Variants in RTN4 observed in about 807,000 individuals in gnomAD.
RTN4 encodes reticulon-4.
Under a neutral mutation model 90.4 loss-of-function variants are expected in RTN4, and 32 were observed. That is an observed-to-expected ratio of 0.35 (90% CI 0.27 to 0.48). The LOEUF is 0.48. Among genes scored for constraint, RTN4 ranks in the 20% least tolerant of loss-of-function variants. The pLI, the probability that RTN4 is intolerant of heterozygous loss-of-function variation, is 0.99. For synonymous variants in RTN4, 629 were observed against 552.5 expected (o/e 1.14, Z -1.94); for missense variants, 1,706 against 1,430.2 (o/e 1.19, Z -3.11).
In RTN4 at chr2:54,973,170, G is replaced by A. The variant is rs200000051; in HGVS notation, c.3565C>T (p.Arg1189Cys). The A allele has an allele frequency of 4.9e-5, 78 of 1,604,156 alleles. No homozygotes were observed. Among genetic ancestry groups the A allele is most frequent in the East Asian group, 3.8e-4 (17 of 44,618 alleles). Residue 1189 changes from arginine to cysteine, a missense_variant, in exon 9 of 9, where the codon CGC becomes TGC. Arg to Cys is a radical substitution (Grantham distance 180). Coordinates refer to ENST00000337526, the MANE Select transcript of RTN4 (RefSeq NM_020532.5). ...KIQAKIPGLK[R>C]KAE ...TTTGGGCGTTTTCATTCAGCTTTGC[G>A]CTTCAATCCAGGGATTTTTGCTTGG...
chr2:55,126,139 A>G, the RTN4 span, among the ~76,000 whole-genome samples: 2 of 151,790 alleles, frequency 1.3e-5, no homozygotes, highest in African/African-American at 4.8e-5. Context: ...CAAGGAGGGC[A>G]GATCACCTGA....
chr2:54,974,869 C>A (rs1209442453), intron 5 of RTN4, 105 bp from the exon 6 acceptor site: 23 of 860,440 alleles, frequency 2.7e-5, no homozygotes, highest in Non-Finnish European at 4.2e-5. Flanking sequence ...AAAAGGCATA[C>A]AACTTGAAGA....
chr2:55,022,425 G>A (rs893832623), intron 3 of RTN4, among the ~76,000 whole-genome samples: 2 of 152,056 alleles, frequency 1.3e-5, no homozygotes, highest in South Asian at 2.1e-4. Context: ...ACTAAAACCT[G>A]GCTGTTCCTT....
the RTN4 span, among the ~76,000 whole-genome samples, chr2:55,134,903 A>G: frequency 1.3e-5 from 2 of 152,192 alleles, no homozygotes. Context: ...TGTCCAACAT[A>G]GTAGCCACTT....
At chr2:55,024,607 A>G (rs778011272) in intron 3 of RTN4, among the ~76,000 whole-genome samples, 4 of 152,140 alleles carry the variant, frequency 2.6e-5, no homozygotes, top group Non-Finnish European at 5.9e-5. Context: ...AAATGTCTAC[A>G]CTCAATATGC....
chr2:55,044,300 A>C (rs1314951668), intron 1 of RTN4, among the ~76,000 whole-genome samples: 2 of 152,138 alleles, frequency 1.3e-5, no homozygotes, highest in Non-Finnish European at 2.9e-5. Flanking sequence ...CTGAAGTGGG[A>C]GGACTGCTTA....
chr2:55,034,159 C>T (rs1211575634), intron 1 of RTN4, among the ~76,000 whole-genome samples: 1 of 152,074 alleles, frequency 6.6e-6, no homozygotes, highest in East Asian at 1.9e-4. Flanking sequence ...CTATACAGAA[C>T]ATAGTGACAG....
intron 3 of RTN4, among the ~76,000 whole-genome samples, chr2:55,023,947 G>A (rs1260823324): frequency 6.6e-6 from 1 of 151,890 alleles, no homozygotes. Context: ...TGGTATCTGG[G>A]GCTTTAATTT....
Position 55,027,314 on chromosome 2 carries a change from T to C in RTN4, c.785A>G (p.Glu262Gly), listed in dbSNP as rs1390164785. Residue 262 changes from glutamate (E) to glycine (G), a missense_variant, in exon 3 of 9, where the codon GAA becomes GGA. By Grantham distance (98) the Glu-to-Gly change is moderately conservative (BLOSUM62 -2). Coordinates refer to ENST00000337526, the MANE Select transcript of RTN4 (RefSeq NM_020532.5). The part of the protein sequence containing the change: ...LGNLSTVLPT[E>G]GTLQENVSEA... The stretch of plus-strand genomic sequence containing the variant: ...ACTGACATTTTCTTGAAGTGTTCCT[T>C]CAGTGGGTAATACTGTTGACAAATT... 1.9e-6 allele frequency: 3 copies of C among 1,613,596 alleles called. No individual in the cohort carries two copies. The highest frequency in any genetic ancestry group is 2.5e-6 in the Non-Finnish European group (3 of 1,179,766).
chr2:55,118,676 T>C, the RTN4 span, among the ~76,000 whole-genome samples: 1 of 151,926 alleles, frequency 6.6e-6, no homozygotes, highest in Non-Finnish European at 1.5e-5. Context: ...AAACCAGGAG[T>C]TAAGTCTAGT....
At chr2:54,976,400 G>A (rs1316280440) in intron 5 of RTN4, among the ~76,000 whole-genome samples, 16 of 152,258 alleles carry the variant, frequency 1.1e-4, no homozygotes, top group African/African-American at 3.9e-4. Context: ...AATGTCCTTA[G>A]GGCCAGGCAG....
the RTN4 span, among the ~76,000 whole-genome samples, chr2:55,129,696 G>A: frequency 2.0e-5 from 3 of 152,048 alleles, no homozygotes; most frequent in African/African-American, 7.2e-5. Context: ...CGAGTAGCTG[G>A]GACTACAGGC....
chr2:55,131,433 C>G, the RTN4 span, among the ~76,000 whole-genome samples: 1 of 151,670 alleles, frequency 6.6e-6, no homozygotes, highest in South Asian at 2.1e-4. Context: ...GGTCCTAACT[C>G]CTGGAATCAA....
At chr2:55,048,845 T>C (rs1667927643) in intron 1 of RTN4, among the ~76,000 whole-genome samples, 2 of 152,332 alleles carry the variant, frequency 1.3e-5, no homozygotes, top group Admixed American at 6.5e-5. Flanking sequence ...TTCCCTTCTT[T>C]AGGAATGTCA....
At chr2:55,020,034 G>A (rs2104832051) in intron 3 of RTN4, among the ~76,000 whole-genome samples, 1 of 152,160 alleles carries the variant, frequency 6.6e-6, no homozygotes, top group Admixed American at 6.5e-5. Flanking sequence ...AAACAATGAT[G>A]AAAGAAATTG....
chr2:55,044,347 T>C (rs776633767), intron 1 of RTN4, among the ~76,000 whole-genome samples: 63 of 151,688 alleles, frequency 4.2e-4, no homozygotes, highest in Non-Finnish European at 1.0e-4. Flanking sequence ...GCCATAATCA[T>C]GCCACTGCAC....
chr2:55,090,728 A>T (rs1281411964), intron 1 of RTN4, among the ~76,000 whole-genome samples: 1 of 152,132 alleles, frequency 6.6e-6, no homozygotes, highest in Non-Finnish European at 1.5e-5. Context: ...TGCTCATACA[A>T]TTTCTCCTCT....
At chr2:55,130,287 T>C in the RTN4 span, among the ~76,000 whole-genome samples, 1 of 152,220 alleles carries the variant, frequency 6.6e-6, no homozygotes. Flanking sequence ...TATTTAAACA[T>C]GTACACTCCC....
the RTN4 span, among the ~76,000 whole-genome samples, chr2:55,135,710 T>C: frequency 6.6e-6 from 1 of 152,098 alleles, no homozygotes; most frequent in Non-Finnish European, 1.5e-5. Flanking sequence ...CCCCAAAAAG[T>C]TTTCTCATGC....
Sources: gnomAD v4.1 joint callset for allele counts (sites outside exome capture counted in the v4.1 genomes callset) on GRCh38, gnomAD v4.1.1 for gene constraint, MANE v1.5 for transcripts, NCBI Gene and HGNC (gene_info 2026-07-23, HGNC 2026-07-21) for gene names.